The following CUX1 variants were observed in gnomAD, a reference collection of about 807,000 sequenced individuals.
CUX1 encodes the protein cut like homeobox 1, also known as protein CASP.
CUX1 carries 31 observed loss-of-function variants against 158.8 expected under a neutral mutation model. That is an observed-to-expected ratio of 0.20 (90% CI 0.15 to 0.26). The LOEUF (loss-of-function observed/expected upper bound fraction) is 0.26. CUX1 is among the 10% of genes least tolerant of loss of function. CUX1 has a pLI of 1.00. For synonymous variants in CUX1, 879 were observed against 862.1 expected (o/e 1.02, Z -0.34); for missense variants, 1,589 against 2,014.6 (o/e 0.79, Z 4.04).
At chr7:101,974,706 G>A (rs187029262) in intron 2 of CUX1, among the ~76,000 whole-genome samples, 3 of 152,278 alleles carry the variant, frequency 2.0e-5, no homozygotes, top group Admixed American at 2.0e-4. Flanking sequence ...CTGAGGAAGG[G>A]GGCGGGCAGC....
chr7:102,102,703 A>C (rs573166322), intron 5 of CUX1, among the ~76,000 whole-genome samples: 1 of 152,188 alleles, frequency 6.6e-6, no homozygotes, highest in African/African-American at 2.4e-5. Context: ...GTTTGCCAGC[A>C]CTGGGAACAC....
chr7:101,989,640 A>C (rs771355753), intron 2 of CUX1, among the ~76,000 whole-genome samples: 2 of 152,176 alleles, frequency 1.3e-5, no homozygotes, highest in Admixed American at 6.5e-5. Flanking sequence ...GAGACTGGTG[A>C]GATTCTCACC....
At chr7:101,905,032 C>A (rs960488499) in intron 1 of CUX1, among the ~76,000 whole-genome samples, 12 of 152,018 alleles carry the variant, frequency 7.9e-5, no homozygotes, top group African/African-American at 2.9e-4. Context: ...AGAGGGTGTC[C>A]CCATTTTACA....
intron 20 of CUX1, among the ~76,000 whole-genome samples, chr7:102,211,587 C>T (rs2132143163): frequency 6.6e-6 from 1 of 152,168 alleles, no homozygotes; most frequent in South Asian, 2.1e-4. Flanking sequence ...TCGAGACCAG[C>T]CTGGCCAACA....
chr7:102,029,590 A>G (rs2129336115), intron 3 of CUX1, among the ~76,000 whole-genome samples: 1 of 152,288 alleles, frequency 6.6e-6, no homozygotes, highest in East Asian at 1.9e-4. Context: ...TCAGGACATC[A>G]AAAGGGACCA....
In CUX1 at chr7:102,258,123, C is replaced by T; in HGVS notation, c.*9081C>T. On this transcript the variant is annotated 3_prime_UTR_variant, in exon 24 of 24. Coordinates refer to ENST00000292535, the MANE Select transcript of CUX1 (RefSeq NM_181552.4). ...TTGTTCTCAGCACTGTACAACGGTC[C>T]CTATATAATACGGAGAAGCAATATC... 1 of 985,120 alleles carries T rather than the reference C, an allele frequency of 1.0e-6. No homozygotes were observed. Among genetic ancestry groups the T allele is most frequent in the Non-Finnish European group, 1.2e-6 (1 of 829,836 alleles). 61.0% of individuals were successfully genotyped at this position (985,120 alleles called of 1,614,324 possible). A position where few individuals can be genotyped will look rare whatever the true frequency, so the allele number is the denominator to read the frequency against.
chr7:102,060,592 TAC>T (rs1394583481), intron 3 of CUX1, among the ~76,000 whole-genome samples: 3 of 87,010 alleles, frequency 3.4e-5, no homozygotes, highest in Non-Finnish European at 7.4e-5. Context: ...TATATATATA[TAC>T]ACACACACAA....
At chr7:102,243,189 G>A (rs1283056918) in intron 23 of CUX1, among the ~76,000 whole-genome samples, 1 of 152,138 alleles carries the variant, frequency 6.6e-6, no homozygotes, top group African/African-American at 2.4e-5. Flanking sequence ...CAAGAGAATC[G>A]CCTGAACCTG....
intron 2 of CUX1, among the ~76,000 whole-genome samples, chr7:101,995,203 A>G (rs1815692391): frequency 6.6e-6 from 1 of 152,162 alleles, no homozygotes; most frequent in South Asian, 2.1e-4. Flanking sequence ...CACTCCAGCC[A>G]TTCTGCCTGG....
At chr7:102,277,914 CT>C (rs1263422960) in intron 17 of CUX1, 2 of 1,207,708 alleles carry the variant, frequency 1.7e-6, no homozygotes, top group South Asian at 1.4e-5. Flanking sequence ...ACGGAGGCCT[CT>C]CCCCCACCCC....
chr7:101,816,521 G>C (rs1791810986), upstream of CUX1, among the ~76,000 whole-genome samples: 1 of 142,078 alleles, frequency 7.0e-6, no homozygotes, highest in African/African-American at 2.5e-5. Context: ...CGGGCGGCGG[G>C]GGGCGGGCGG....
intron 4 of CUX1, among the ~76,000 whole-genome samples, chr7:102,092,932 A>T (rs1828746833): frequency 1.3e-5 from 1 of 78,142 alleles, no homozygotes; most frequent in African/African-American, 4.8e-5. Flanking sequence ...AAAAAAAAAA[A>T]GAAAGAAAGA....
chr7:102,050,546 G>A (rs902420449), intron 3 of CUX1, among the ~76,000 whole-genome samples: 6 of 152,066 alleles, frequency 3.9e-5, no homozygotes, highest in South Asian at 2.1e-4. Flanking sequence ...TGGGTACCTC[G>A]CTAACTAATA....
intron 2 of CUX1, among the ~76,000 whole-genome samples, chr7:101,990,157 G>T (rs1814912042): frequency 6.6e-6 from 1 of 151,942 alleles, no homozygotes; most frequent in Admixed American, 6.5e-5. Flanking sequence ...CCGGGATTTT[G>T]AGACCAGCCT....
At chr7:102,027,993 A>T in intron 2 of CUX1, 105 bp from the exon 3 acceptor site, 3 of 1,174,008 alleles carry the variant, frequency 2.6e-6, no homozygotes, top group Non-Finnish European at 3.7e-6. Flanking sequence ...TTAGATAGTG[A>T]TAATTAGCAC....
chr7:101,921,376 T>C (rs761264736), intron 2 of CUX1, among the ~76,000 whole-genome samples: 1 of 152,196 alleles, frequency 6.6e-6, no homozygotes, highest in Non-Finnish European at 1.5e-5. Context: ...ACCGTGTAAC[T>C]CATGAGATAC....
chr7:101,911,982 G>T (rs1255034394), intron 1 of CUX1, among the ~76,000 whole-genome samples: 2 of 152,326 alleles, frequency 1.3e-5, no homozygotes, highest in East Asian at 1.9e-4. Flanking sequence ...TAAAGTTTCT[G>T]TCTCAGCCTC....
chr7:101,932,015 G>A (rs185712792), intron 2 of CUX1, among the ~76,000 whole-genome samples: 1 of 152,292 alleles, frequency 6.6e-6, no homozygotes, highest in Admixed American at 6.5e-5. Flanking sequence ...GGGATCCACG[G>A]AAACTACCTA....
chr7:101,988,464 C>T (rs924122703), intron 2 of CUX1, among the ~76,000 whole-genome samples: 20 of 152,184 alleles, frequency 1.3e-4, no homozygotes, highest in Non-Finnish European at 2.4e-4. Flanking sequence ...CCAGCTCTTC[C>T]TCTTCACCTC....
Sources: allele counts gnomAD v4.1 joint callset (sites outside exome capture counted in the v4.1 genomes callset), GRCh38; gene constraint gnomAD v4.1.1; transcripts MANE v1.5; gene names NCBI Gene and HGNC (gene_info 2026-07-23, HGNC 2026-07-21).